Variants in MEMO1 observed in about 807,000 individuals in gnomAD.
MEMO1 encodes mediator of cell motility 1.
A neutral mutation model predicts 45.2 loss-of-function variants in MEMO1; 6 were observed. That is an observed-to-expected ratio of 0.13 (90% CI 0.07 to 0.26). The LOEUF is 0.26. Ranked by LOEUF, MEMO1 falls within the 10% of genes least tolerant of loss-of-function variation. MEMO1 has a pLI of 1.00. For missense variants in MEMO1, 184 were observed against 370.5 expected, an observed-to-expected ratio of 0.50 and a Z score of 4.13; for synonymous variants, 78 against 124.3, an observed-to-expected ratio of 0.63 and a Z score of 2.48.
chr2:31,907,134 G>T (rs919741224), intron 6 of MEMO1, among the ~76,000 whole-genome samples: 13 of 151,998 alleles, frequency 8.6e-5, no homozygotes, highest in African/African-American at 2.9e-4. Context: ...CATGAAAACT[G>T]CAGGCACCTT....
At chr2:31,958,137 C>T (rs1380458122) in intron 2 of MEMO1, among the ~76,000 whole-genome samples, 1 of 151,988 alleles carries the variant, frequency 6.6e-6, no homozygotes. Context: ...CAATAAAAGA[C>T]TTTCCAGAGG....
intron 3 of MEMO1, among the ~76,000 whole-genome samples, chr2:31,940,721 T>TG (rs1391565373): frequency 1.3e-5 from 2 of 152,166 alleles, no homozygotes; most frequent in Non-Finnish European, 2.9e-5. Context: ...TTTGTAGAGA[T>TG]GGAGTCTTGT....
chr2:31,914,038 A>C (rs768104950), intron 6 of MEMO1, among the ~76,000 whole-genome samples: 3 of 152,214 alleles, frequency 2.0e-5, no homozygotes, highest in Non-Finnish European at 2.9e-5. Context: ...CACCACGTGA[A>C]GAGAGAAGTC....
chr2:31,949,524 T>C (rs1347318566), intron 2 of MEMO1, among the ~76,000 whole-genome samples: 1 of 151,774 alleles, frequency 6.6e-6, no homozygotes, highest in Non-Finnish European at 1.5e-5. Context: ...CATGTTCTCA[T>C]TTATTTGTGG....
intron 2 of MEMO1, among the ~76,000 whole-genome samples, chr2:31,948,571 C>T (rs1421922573): frequency 6.6e-6 from 1 of 152,138 alleles, no homozygotes; most frequent in African/African-American, 2.4e-5. Context: ...GTGTTTTAAA[C>T]AGCGGTTCCT....
intron 8 of MEMO1, among the ~76,000 whole-genome samples, chr2:31,876,612 G>A (rs1208780386): frequency 6.6e-6 from 1 of 151,992 alleles, no homozygotes; most frequent in Non-Finnish European, 1.5e-5. Context: ...CTACCTAATT[G>A]ACATCTCTAC....
chr2:31,991,009 A>C (rs1039006131), intron 2 of MEMO1, among the ~76,000 whole-genome samples: 1 of 152,216 alleles, frequency 6.6e-6, no homozygotes, highest in African/African-American at 2.4e-5. Flanking sequence ...CAAAAGCAAA[A>C]TAATGACTAT....
intron 6 of MEMO1, among the ~76,000 whole-genome samples, chr2:31,906,365 C>G (rs2148077858): frequency 6.6e-6 from 1 of 151,794 alleles, no homozygotes; most frequent in South Asian, 2.1e-4. Context: ...GCCCTGTCGC[C>G]CAGGCTGGAG....
rs191355330 is a variant in MEMO1 at position 31,975,150 on chromosome 2, T to C, written c.62-31767A>G. On this transcript the variant is annotated intron_variant, in intron 2 of 9. Coordinates refer to ENST00000404530, the MANE Select transcript of MEMO1 (RefSeq NM_001301833.4). ...TCGTGCCACTGCACTCCAGCCTGGG[T>C]GACAAGAACAAAACTCCATCTCAAA... Among the ~76,000 whole-genome samples, 143 of 152,246 alleles carry C rather than the reference T, an allele frequency of 9.4e-4. 1 individual carries two copies. The highest frequency in any genetic ancestry group is 9.4e-3 in the Admixed American group (143 of 15,270).
intron 2 of MEMO1, among the ~76,000 whole-genome samples, chr2:31,979,416 CT>C (rs962612310): frequency 3.3e-5 from 5 of 152,090 alleles, no homozygotes; most frequent in African/African-American, 1.2e-4. Context: ...TTTTTCTTTG[CT>C]GTCTCTAAAA....
Position 31,920,919 on chromosome 2 carries a change from T to C in MEMO1, c.213-9A>G, listed in dbSNP as rs773089616. 6.4e-7 allele frequency: 1 copy of C among 1,572,516 alleles called. No homozygotes were observed. The highest frequency in any genetic ancestry group is 8.7e-7 in the Non-Finnish European group (1 of 1,150,420). On this transcript the variant is annotated splice_polypyrimidine_tract_variant and intron_variant, in intron 4 of 9. Transcript: ENST00000404530. ...GGATGAAAATTCTCCGGCTAGGAGATACACAACAAAAAAACACGTAACAAT... is the reference window on the plus strand; with the variant it reads ...GGATGAAAATTCTCCGGCTAGGAGACACACAACAAAAAAACACGTAACAAT...
At chr2:31,959,997 G>A (rs1667824687) in intron 2 of MEMO1, among the ~76,000 whole-genome samples, 1 of 152,074 alleles carries the variant, frequency 6.6e-6, no homozygotes. Context: ...CCAGGAGGGC[G>A]GATCACTTGA....
intron 2 of MEMO1, among the ~76,000 whole-genome samples, chr2:32,002,911 T>C (rs1673587739): frequency 6.6e-6 from 1 of 152,184 alleles, no homozygotes; most frequent in African/African-American, 2.4e-5. Flanking sequence ...GCCTGTTAAA[T>C]ATGTTCTTTC....
At chr2:32,007,324 C>T (rs183773444) in intron 2 of MEMO1, among the ~76,000 whole-genome samples, 6 of 152,294 alleles carry the variant, frequency 3.9e-5, no homozygotes, top group Non-Finnish European at 7.4e-5. Context: ...AAATCCTACC[C>T]CAAAATGATT....
intron 2 of MEMO1, among the ~76,000 whole-genome samples, chr2:31,944,885 A>T (rs2148329568): frequency 6.6e-6 from 1 of 152,302 alleles, no homozygotes; most frequent in African/African-American, 2.4e-5. Flanking sequence ...TCTAGGTAAT[A>T]ATATAACAAA....
intron 5 of MEMO1, among the ~76,000 whole-genome samples, chr2:31,919,467 C>T (rs1204407655): frequency 1.3e-5 from 2 of 151,980 alleles, no homozygotes; most frequent in East Asian, 1.9e-4. Flanking sequence ...CTCTTTTATT[C>T]TATACAAGAA....
At chr2:31,875,197 A>G (rs1486159421) in intron 8 of MEMO1, among the ~76,000 whole-genome samples, 2 of 152,214 alleles carry the variant, frequency 1.3e-5, no homozygotes, top group Admixed American at 6.5e-5. Flanking sequence ...AATACTCAAT[A>G]TTTATTCAGA....
chr2:31,975,339 C>A (rs1438640270), intron 2 of MEMO1, among the ~76,000 whole-genome samples: 1 of 152,130 alleles, frequency 6.6e-6, no homozygotes, highest in African/African-American at 2.4e-5. Flanking sequence ...CTCCTTTAGA[C>A]AAAACTAGAG....
At chr2:32,002,184 T>TACACACACAC (rs1468566168) in intron 2 of MEMO1, among the ~76,000 whole-genome samples, 3 of 116,972 alleles carry the variant, frequency 2.6e-5, no homozygotes, top group African/African-American at 9.9e-5. Context: ...TATATATATA[T>TACACACACAC]ATACACACAC....
Sources: gnomAD v4.1 joint callset for allele counts (sites outside exome capture counted in the v4.1 genomes callset) on GRCh38, gnomAD v4.1.1 for gene constraint, MANE v1.5 for transcripts, NCBI Gene and HGNC (gene_info 2026-07-23, HGNC 2026-07-21) for gene names.